The following TSNARE1 variants were observed in gnomAD, a reference collection of about 807,000 sequenced individuals.
TSNARE1 encodes t-SNARE domain containing 1.
In TSNARE1, 49 loss-of-function variants were observed where a neutral mutation model predicts 62.0. The observed-to-expected ratio is 0.79, with a 90% CI of 0.63 to 1.00. TSNARE1 has a LOEUF of 1.00. Ranked by LOEUF, TSNARE1 falls within the 50% of genes least tolerant of loss-of-function variation. TSNARE1 has a pLI of 0.00. For missense variants in TSNARE1, 755 were observed against 700.1 expected (o/e 1.08, Z -0.88); for synonymous variants, 328 against 294.4 (o/e 1.11, Z -1.17).
chr8:142,217,192 C>T (rs564819431), intron 13 of TSNARE1, among the ~76,000 whole-genome samples: 5 of 150,716 alleles, frequency 3.3e-5, no homozygotes, highest in East Asian at 2.0e-4. Flanking sequence ...TGCAGTGAGC[C>T]GAGATAGGGC....
In TSNARE1 at chr8:142,387,367, G is replaced by A. The variant is rs557793715; in HGVS notation, c.-40+15737C>T. On this transcript the variant is annotated intron_variant, in intron 1 of 13. Transcript: ENST00000524325. ...ATCAAGCATTCACACCAGACATTTAGAAAAACGATAAGATAAACTGAGGAA... is the reference window on the plus strand; with the variant it reads ...ATCAAGCATTCACACCAGACATTTAAAAAAACGATAAGATAAACTGAGGAA... 7.9e-5 allele frequency among the ~76,000 whole-genome samples: 12 copies of A among 152,110 alleles called. 1 individual carries two copies. In the South Asian group the frequency reaches 2.5e-3, roughly 32 times the overall value.
At chr8:142,349,748 C>T (rs192490938) in intron 2 of TSNARE1, among the ~76,000 whole-genome samples, 34 of 152,328 alleles carry the variant, frequency 2.2e-4, no homozygotes, top group African/African-American at 8.2e-4. Flanking sequence ...CCGAGCTTCA[C>T]GGGTGTCGAC....
intron 1 of TSNARE1, among the ~76,000 whole-genome samples, chr8:142,386,883 C>G (rs1315312711): frequency 6.6e-6 from 1 of 152,196 alleles, no homozygotes; most frequent in East Asian, 1.9e-4. Context: ...TCACTCCTCT[C>G]AGTCCACAAC....
At chr8:142,396,902 G>C (rs535005800) in intron 1 of TSNARE1, among the ~76,000 whole-genome samples, 1 of 152,352 alleles carries the variant, frequency 6.6e-6, no homozygotes, top group South Asian at 2.1e-4. Context: ...TGTGCGAGCT[G>C]GCCGTGCCAT....
chr8:142,382,041 C>T (rs947176710), intron 1 of TSNARE1, among the ~76,000 whole-genome samples: 1 of 152,144 alleles, frequency 6.6e-6, no homozygotes, highest in African/African-American at 2.4e-5. Flanking sequence ...GTGGAGGAGG[C>T]CTGGCCGTTC....
At chr8:142,356,391 T>G (rs1275063794) in intron 1 of TSNARE1, among the ~76,000 whole-genome samples, 1 of 152,082 alleles carries the variant, frequency 6.6e-6, no homozygotes, top group Non-Finnish European at 1.5e-5. Flanking sequence ...GGGCAGGAAG[T>G]TAGGTCTCAG....
intron 6 of TSNARE1, among the ~76,000 whole-genome samples, chr8:142,327,056 A>C (rs1374128810): frequency 6.6e-6 from 1 of 152,218 alleles, no homozygotes; most frequent in East Asian, 1.9e-4. Context: ...AAAGTCTGGC[A>C]GTTCCTCAAA....
intron 12 of TSNARE1, among the ~76,000 whole-genome samples, chr8:142,240,166 T>C (rs919677989): frequency 1.3e-5 from 2 of 152,042 alleles, no homozygotes; most frequent in African/African-American, 4.8e-5. Context: ...AAATATATGA[T>C]GAAAACATTA....
chr8:142,344,248 C>A lies in TSNARE1; in HGVS notation c.463G>T (p.Ala155Ser), dbSNP rs752716974. 3 of 1,611,172 alleles carry A rather than the reference C, an allele frequency of 1.9e-6. No homozygotes were observed. The highest frequency in any genetic ancestry group is 1.1e-5 in the South Asian group (1 of 90,922). ...QLLFGTGLLKAEPTRRYRVWS... is the reference protein window; with the variant it reads ...QLLFGTGLLKSEPTRRYRVWS... The stretch of plus-strand genomic sequence containing the variant: ...ACGCGGTACCTGCGAGTGGGCTCGG[C>A]CTTCAGCAGCCCCGTGCCAAACAGC... The change falls in exon 4 of 14, where the codon GCC (alanine) becomes TCC (serine). Residue 155 changes from alanine to serine, a missense_variant. Physicochemically the swap from Ala to Ser is moderately conservative, Grantham distance 99 (BLOSUM62 1). Transcript: ENST00000524325.
At chr8:142,332,836 G>A (rs1483147692) in intron 4 of TSNARE1, among the ~76,000 whole-genome samples, 1 of 152,158 alleles carries the variant, frequency 6.6e-6, no homozygotes, top group Non-Finnish European at 1.5e-5. Context: ...ACACAGAGGA[G>A]CAGAGCGCAC....
At chr8:142,237,045 C>G (rs373689316) in intron 12 of TSNARE1, among the ~76,000 whole-genome samples, 6 of 152,086 alleles carry the variant, frequency 3.9e-5, no homozygotes, top group African/African-American at 1.4e-4. Context: ...ATCAAAAGCC[C>G]GGAGCCAGGG....
chr8:142,250,660 C>T lies in TSNARE1; in HGVS notation c.1447-21081G>A, dbSNP rs541176361. Among the ~76,000 whole-genome samples, 41 of 152,312 alleles carry T rather than the reference C, an allele frequency of 2.7e-4. No homozygotes were observed. The East Asian group carries it at 6.2e-3, about 23-fold the overall frequency. ...CCTGAAGCAGCAGCTAGGCAACAGG[C>T]GCTGGGGAGCATGGAGCTGCAGCCC... On this transcript the variant is annotated intron_variant, in intron 12 of 13. Transcript: ENST00000524325.
At chr8:142,224,900 G>C (rs1165324827) in intron 13 of TSNARE1, among the ~76,000 whole-genome samples, 1 of 152,170 alleles carries the variant, frequency 6.6e-6, no homozygotes, top group Non-Finnish European at 1.5e-5. Context: ...GCAGAGGGCG[G>C]GGCTGGGTAG....
At chr8:142,228,947 T>C (rs2130060659) in intron 13 of TSNARE1, among the ~76,000 whole-genome samples, 1 of 151,774 alleles carries the variant, frequency 6.6e-6, no homozygotes, top group African/African-American at 2.4e-5. Flanking sequence ...AGATTGTGGA[T>C]GGATGGATAG....
intron 10 of TSNARE1, among the ~76,000 whole-genome samples, chr8:142,289,320 G>A (rs952448787): frequency 1.3e-5 from 2 of 152,004 alleles, no homozygotes; most frequent in East Asian, 1.9e-4. Flanking sequence ...CCCTGGGCAC[G>A]GCCAGCTGGA....
chr8:142,368,389 C>T (rs559449147), intron 1 of TSNARE1, among the ~76,000 whole-genome samples: 4 of 152,264 alleles, frequency 2.6e-5, no homozygotes, highest in South Asian at 4.2e-4. Flanking sequence ...TATACTGGTT[C>T]GGAGAGTTCC....
intron 12 of TSNARE1, among the ~76,000 whole-genome samples, chr8:142,256,235 C>CCACTGT (rs1818535918): frequency 8.0e-6 from 1 of 124,312 alleles, no homozygotes; most frequent in Non-Finnish European, 1.7e-5. Context: ...ATCACCACCA[C>CCACTGT]CACCATCACC....
intron 6 of TSNARE1, among the ~76,000 whole-genome samples, chr8:142,328,855 T>C (rs996552676): frequency 6.9e-6 from 1 of 145,888 alleles, no homozygotes; most frequent in Non-Finnish European, 1.5e-5. Context: ...GTGACAGAAA[T>C]GACCTGGCCA....
At chr8:142,256,486 CACCATCACCATCACTGTA>C (rs1818581020) in intron 12 of TSNARE1, among the ~76,000 whole-genome samples, 1 of 149,560 alleles carries the variant, frequency 6.7e-6, no homozygotes, top group African/African-American at 2.5e-5. Context: ...CTATCACCAC[CACCATCACCATCACTGTA>C]ACCATCACCA....
Sources: gnomAD v4.1 joint callset for allele counts (sites outside exome capture counted in the v4.1 genomes callset) on GRCh38, gnomAD v4.1.1 for gene constraint, MANE v1.5 for transcripts, NCBI Gene and HGNC (gene_info 2026-07-23, HGNC 2026-07-21) for gene names.